Variants in PITPNB observed in about 807,000 individuals in gnomAD.
The protein encoded by PITPNB is phosphatidylinositol transfer protein beta isoform.
Under a neutral mutation model 45.9 loss-of-function variants are expected in PITPNB, and 16 were observed. The ratio of observed to expected loss-of-function variants is 0.35; its 90% CI spans 0.24 to 0.53. The LOEUF (loss-of-function observed/expected upper bound fraction) is 0.53, where lower values mean the gene tolerates loss of function less well. Among genes scored for constraint, PITPNB ranks in the 20% least tolerant of loss-of-function variants. The pLI, the probability that PITPNB is intolerant of heterozygous loss-of-function variation, is 0.93. For missense variants in PITPNB, 188 were observed against 330.5 expected, an observed-to-expected ratio of 0.57 and a Z score of 3.34; for synonymous variants, 112 against 108.9, an observed-to-expected ratio of 1.03 and a Z score of -0.18.
intron 7 of PITPNB, chr22:27,894,295 C>T: frequency 3.3e-6 from 1 of 300,876 alleles, no homozygotes; most frequent in Non-Finnish European, 6.1e-6. Flanking sequence ...CCTACATTTC[C>T]CAGGTATACT....
intron 6 of PITPNB, among the ~76,000 whole-genome samples, chr22:27,896,283 A>T (rs1935428709): frequency 6.6e-6 from 1 of 152,198 alleles, no homozygotes; most frequent in African/African-American, 2.4e-5. Context: ...GCTGGGGATT[A>T]TCTGTGAATT....
chr22:27,857,034 G>A (rs1307095290), intron 10 of PITPNB, among the ~76,000 whole-genome samples: 1 of 152,188 alleles, frequency 6.6e-6, no homozygotes, highest in African/African-American at 2.4e-5. Context: ...TGTTTTGCCT[G>A]TGGCTAGACT....
At chr22:27,915,568 T>TA (rs1936052554) in intron 1 of PITPNB, among the ~76,000 whole-genome samples, 1 of 152,164 alleles carries the variant, frequency 6.6e-6, no homozygotes, top group Non-Finnish European at 1.5e-5. Context: ...ACAAGTCTGT[T>TA]ACTCCCTCCC....
chr22:27,912,032 G>A (rs532912796), intron 2 of PITPNB, among the ~76,000 whole-genome samples: 15 of 152,118 alleles, frequency 9.9e-5, no homozygotes, highest in African/African-American at 3.6e-4. Context: ...CTTCAAATTT[G>A]GCTAAATTTC....
rs949215757 is a variant in PITPNB, at chr22:27,896,868, A to G, written c.298-242T>C. The stretch of plus-strand genomic sequence containing the variant: ...ACGTGGCATATCGGGCTAATAAAGA[A>G]GCTGTGAGGTCTGATAAACAAATAT... On this transcript the variant is annotated intron_variant, in intron 5 of 11. Coordinates refer to ENST00000335272, the MANE Select transcript of PITPNB (RefSeq NM_012399.5). 4 of 606,562 alleles carry G rather than the reference A, an allele frequency of 6.6e-6. No homozygotes were observed. In the African/African-American group the frequency reaches 7.4e-5, roughly 11 times the overall value. The allele number at this position is 606,562 out of a possible 1,614,324, so 37.6% of individuals were successfully genotyped here. A position where few individuals can be genotyped will look rare whatever the true frequency, so the allele number is the denominator to read the frequency against.
intron 1 of PITPNB, chr22:27,918,962 G>A: frequency 1.1e-5 from 8 of 746,152 alleles, no homozygotes; most frequent in Non-Finnish European, 1.9e-5. Context: ...CCCGGGGAAG[G>A]GAGAGGGCGT....
chr22:27,912,418 A>C (rs1404856931), intron 2 of PITPNB, among the ~76,000 whole-genome samples: 1 of 152,212 alleles, frequency 6.6e-6, no homozygotes, highest in Admixed American at 6.5e-5. Context: ...GGGTTAGTCT[A>C]ATAATGCCAC....
At chr22:27,865,254 T>C (rs926879984) in intron 8 of PITPNB, among the ~76,000 whole-genome samples, 4 of 152,228 alleles carry the variant, frequency 2.6e-5, no homozygotes, top group African/African-American at 7.2e-5. Flanking sequence ...AGACCAACTT[T>C]ACCCTAAATT....
intron 1 of PITPNB, among the ~76,000 whole-genome samples, chr22:27,916,272 G>A (rs943359457): frequency 2.6e-5 from 4 of 152,194 alleles, no homozygotes. Flanking sequence ...AAGTAAAAGG[G>A]AAAAGGAACA....
chr22:27,864,964 A>G (rs575073238), intron 8 of PITPNB, among the ~76,000 whole-genome samples: 1 of 152,284 alleles, frequency 6.6e-6, no homozygotes, highest in Admixed American at 6.5e-5. Flanking sequence ...AGAAAAAAAA[A>G]GAAAAAAATT....
intron 7 of PITPNB, among the ~76,000 whole-genome samples, chr22:27,876,936 G>C (rs1934836935): frequency 6.6e-6 from 1 of 152,176 alleles, no homozygotes; most frequent in African/African-American, 2.4e-5. Context: ...CTTGCCACCA[G>C]CTGCAGACTT....
intron 8 of PITPNB, among the ~76,000 whole-genome samples, chr22:27,866,660 T>A (rs1436796931): frequency 6.6e-6 from 1 of 152,204 alleles, no homozygotes; most frequent in Non-Finnish European, 1.5e-5. Context: ...AAAACTGTGT[T>A]GGGATGAAGA....
chr22:27,902,165 G>A (rs1014309044), intron 3 of PITPNB, among the ~76,000 whole-genome samples: 4 of 152,056 alleles, frequency 2.6e-5, no homozygotes, highest in African/African-American at 7.2e-5. Context: ...AAGGGTATTC[G>A]GGAAGGCCTC....
chr22:27,918,136 T>C (rs1313019533), intron 1 of PITPNB, among the ~76,000 whole-genome samples: 2 of 152,194 alleles, frequency 1.3e-5, no homozygotes, highest in Non-Finnish European at 2.9e-5. Context: ...CTTGTAGCTG[T>C]TGCAGAGGCT....
intron 7 of PITPNB, among the ~76,000 whole-genome samples, chr22:27,881,780 A>C (rs1021039637): frequency 3.9e-5 from 6 of 152,388 alleles, no homozygotes; most frequent in East Asian, 3.9e-4. Context: ...CTGACCATTT[A>C]GGGTATCATC....
chr22:27,906,866 T>C (rs538582757), intron 3 of PITPNB, among the ~76,000 whole-genome samples: 9 of 152,310 alleles, frequency 5.9e-5, no homozygotes, highest in African/African-American at 2.2e-4. Context: ...AACTTTCAGA[T>C]TTTGTCAATA....
intron 8 of PITPNB, among the ~76,000 whole-genome samples, chr22:27,863,104 G>A (rs576104728): frequency 2.0e-5 from 3 of 152,294 alleles, no homozygotes; most frequent in African/African-American, 7.2e-5. Context: ...ATCCTCATAT[G>A]CAATACAACT....
intron 7 of PITPNB, among the ~76,000 whole-genome samples, chr22:27,890,949 G>A (rs1041384646): frequency 3.3e-5 from 5 of 152,320 alleles, no homozygotes; most frequent in African/African-American, 9.6e-5. Flanking sequence ...AAATCAATGC[G>A]AAGTATAAGA....
rs1934056203 is a variant in PITPNB, at chr22:27,852,728, A to G, written c.*974T>C. 1 of 152,632 alleles carries G rather than the reference A, an allele frequency of 6.6e-6. No homozygotes were observed. The highest frequency in any genetic ancestry group is 1.5e-5 in the Non-Finnish European group (1 of 68,040). The allele number at this position is 152,632 out of a possible 1,614,324, so 9.5% of individuals were successfully genotyped here. On this transcript the variant is annotated 3_prime_UTR_variant, in exon 12 of 12. Transcript: ENST00000335272. ...TGCATAGTTTCCAAGCTGTAGTTAC[A>G]GAAAACTGTCATCTTCAAAACAAGA...
Sources: allele counts gnomAD v4.1 joint callset (sites outside exome capture counted in the v4.1 genomes callset), GRCh38; gene constraint gnomAD v4.1.1; transcripts MANE v1.5; gene names NCBI Gene and HGNC (gene_info 2026-07-23, HGNC 2026-07-21).